The following SLC15A1 variants were observed in gnomAD, a reference collection of about 807,000 sequenced individuals.
SLC15A1 encodes Caco-2 oligopeptide transporter.
SLC15A1 carries 83 observed loss-of-function variants against 92.9 expected under a neutral mutation model. The observed-to-expected ratio is 0.89, with a 90% confidence interval of 0.75 to 1.07. The LOEUF (loss-of-function observed/expected upper bound fraction) is 1.07, where lower values mean the gene tolerates loss of function less well. Ranked by LOEUF, SLC15A1 falls within the 50% of genes least tolerant of loss-of-function variation. The pLI, the probability that SLC15A1 is intolerant of heterozygous loss-of-function variation, is 0.00. For synonymous variants in SLC15A1, 322 were observed against 318.2 expected, an observed-to-expected ratio of 1.01 and a Z score of -0.13; for missense variants, 857 against 880.1, an observed-to-expected ratio of 0.97 and a Z score of 0.33.
Position 98,726,357 on chromosome 13 carries a change from A to C in SLC15A1, c.103+11T>G, listed in dbSNP as rs1203640064. The C allele has an allele frequency of 1.9e-6, 3 of 1,614,122 alleles. No homozygotes were observed. Among genetic ancestry groups the C allele is most frequent in the African/African-American group, 2.7e-5 (2 of 74,946 alleles). On this transcript the variant is annotated intron_variant, in intron 3 of 22. Coordinates refer to ENST00000376503, the MANE Select transcript of SLC15A1 (RefSeq NM_005073.4). ...CTTCCCTGAAGGGTGAGAAACGGCC[A>C]ATACAGTTACCTCGCATTCCATAGT...
At chr13:98,689,878 G>T (rs1179055865) in intron 18 of SLC15A1, among the ~76,000 whole-genome samples, 1 of 152,180 alleles carries the variant, frequency 6.6e-6, no homozygotes, top group Non-Finnish European at 1.5e-5. Flanking sequence ...CAGGTCCAAG[G>T]CTTCCTATCT....
intron 15 of SLC15A1, 47 bp from the exon 16 acceptor site, chr13:98,706,300 T>G (rs776227465): frequency 6.3e-7 from 1 of 1,598,484 alleles, no homozygotes; most frequent in Non-Finnish European, 8.5e-7. Flanking sequence ...CAATACAACA[T>G]GGAAAGTCAT....
intron 1 of SLC15A1, among the ~76,000 whole-genome samples, chr13:98,731,447 A>T (rs1042025470): frequency 1.3e-5 from 2 of 152,220 alleles, no homozygotes; most frequent in African/African-American, 4.8e-5. Context: ...TCGCCTACTT[A>T]GACTTTGGGT....
chr13:98,691,895 G>A (rs1399789425), intron 18 of SLC15A1, among the ~76,000 whole-genome samples: 1 of 151,976 alleles, frequency 6.6e-6, no homozygotes, highest in East Asian at 1.9e-4. Flanking sequence ...CCAACATGGA[G>A]AAATCCCGTC....
intron 14 of SLC15A1, among the ~76,000 whole-genome samples, 192 bp downstream of exon 14, chr13:98,709,380 G>C (rs2088142313): frequency 6.6e-6 from 1 of 152,184 alleles, no homozygotes; most frequent in South Asian, 2.1e-4. Context: ...GCCTTTTCAG[G>C]CTGTCAATCA....
chr13:98,726,092 G>C, intron 4 of SLC15A1, 31 bp downstream of exon 4: 3 of 1,607,686 alleles, frequency 1.9e-6, no homozygotes, highest in South Asian at 2.2e-5. Flanking sequence ...TTTTTCGCTT[G>C]TTTGTGAACA....
chr13:98,688,727 G>A (rs2087952088), intron 18 of SLC15A1, 150 bp from the exon 19 acceptor site: 1 of 634,440 alleles, frequency 1.6e-6, no homozygotes, highest in Non-Finnish European at 2.7e-6. Context: ...GACAAAAAGT[G>A]AAAAACTCTG....
chr13:98,744,913 T>C (rs1323771838), intron 1 of SLC15A1, among the ~76,000 whole-genome samples: 1 of 152,208 alleles, frequency 6.6e-6, no homozygotes, highest in Non-Finnish European at 1.5e-5. Flanking sequence ...TCATTAGATA[T>C]TCTCTAACAA....
At chr13:98,730,166 A>C (rs1275517121) in intron 1 of SLC15A1, among the ~76,000 whole-genome samples, 1 of 149,572 alleles carries the variant, frequency 6.7e-6, no homozygotes, top group East Asian at 2.0e-4. Context: ...ACTGCACTCC[A>C]GCCTGGGCAA....
intron 14 of SLC15A1, among the ~76,000 whole-genome samples, chr13:98,709,345 G>A (rs909024068): frequency 6.6e-6 from 1 of 152,232 alleles, no homozygotes; most frequent in Non-Finnish European, 1.5e-5. Context: ...TATCATCTGC[G>A]TAGAGAAGAA....
At chr13:98,690,478 G>A (rs963814794) in intron 18 of SLC15A1, among the ~76,000 whole-genome samples, 2 of 152,178 alleles carry the variant, frequency 1.3e-5, no homozygotes, top group East Asian at 1.9e-4. Flanking sequence ...GAGTGAAGCC[G>A]AGGAAGCAGA....
intron 1 of SLC15A1, among the ~76,000 whole-genome samples, chr13:98,728,977 TAAAAAAAAAAAAAAA>T (rs71218592): frequency 7.2e-5 from 1 of 13,900 alleles, no homozygotes; most frequent in African/African-American, 3.2e-4. Flanking sequence ...TAAGGCTCTG[TAAAAAAAAAAAAAAA>T]AAAAAAAAAA....
At chr13:98,751,704 G>C (rs1468083188) in intron 1 of SLC15A1, among the ~76,000 whole-genome samples, 2 of 152,214 alleles carry the variant, frequency 1.3e-5, no homozygotes, top group African/African-American at 4.8e-5. Context: ...GCCAGAGGAC[G>C]GCTGCACCCT....
At chr13:98,701,435 C>T (rs1566445735) in intron 18 of SLC15A1, among the ~76,000 whole-genome samples, 2 of 152,050 alleles carry the variant, frequency 1.3e-5, no homozygotes, top group South Asian at 2.1e-4. Flanking sequence ...TCTTTTGGTA[C>T]AGTCCTGGGG....
chr13:98,721,470 GA>G, intron 7 of SLC15A1, 24 bp downstream of exon 7: 1 of 1,553,560 alleles, frequency 6.4e-7, no homozygotes, highest in East Asian at 2.2e-5. Context: ...AAGACCAACA[GA>G]AGTTCCTTTC....
intron 7 of SLC15A1, among the ~76,000 whole-genome samples, chr13:98,720,056 C>T (rs1424184587): frequency 1.3e-5 from 2 of 152,214 alleles, no homozygotes; most frequent in Non-Finnish European, 2.9e-5. Flanking sequence ...CTGGCGCCTC[C>T]AGGCATGATC....
At chr13:98,747,718 T>C (rs2088505486) in intron 1 of SLC15A1, among the ~76,000 whole-genome samples, 1 of 152,002 alleles carries the variant, frequency 6.6e-6, no homozygotes, top group Non-Finnish European at 1.5e-5. Flanking sequence ...CCGTCTCTAC[T>C]AAAAATACAA....
chr13:98,752,157 G>T (rs949980379), intron 1 of SLC15A1, among the ~76,000 whole-genome samples: 17 of 152,226 alleles, frequency 1.1e-4, no homozygotes, highest in Non-Finnish European at 2.5e-4. Flanking sequence ...TTGGGCCAGG[G>T]TTCCCTGCGG....
chr13:98,706,515 G>A (rs759124639), intron 15 of SLC15A1, among the ~76,000 whole-genome samples: 1 of 152,192 alleles, frequency 6.6e-6, no homozygotes, highest in Non-Finnish European at 1.5e-5. Context: ...ATTCCCGGGT[G>A]TTGTGGGAGG....
Sources: allele counts gnomAD v4.1 joint callset (sites outside exome capture counted in the v4.1 genomes callset), GRCh38; gene constraint gnomAD v4.1.1; transcripts MANE v1.5; gene names NCBI Gene and HGNC (gene_info 2026-07-23, HGNC 2026-07-21).